OSBPL1A: variants seen among roughly 807,000 people sequenced by gnomAD.
The protein encoded by OSBPL1A is oxysterol binding protein like 1A.
OSBPL1A carries 80 observed loss-of-function variants against 137.1 expected under a neutral mutation model. That is an observed-to-expected ratio of 0.58 (90% confidence interval 0.49 to 0.70). OSBPL1A has a LOEUF of 0.70. Among genes scored for constraint, OSBPL1A ranks in the 30% least tolerant of loss-of-function variants. The pLI is 0.00. For missense variants in OSBPL1A, 970 were observed against 1,129.4 expected (o/e 0.86, Z 2.02); for synonymous variants, 365 against 389.7 (o/e 0.94, Z 0.75).
intron 4 of OSBPL1A, among the ~76,000 whole-genome samples, chr18:24,359,326 G>A (rs974952487): frequency 1.3e-5 from 2 of 152,060 alleles, no homozygotes; most frequent in Non-Finnish European, 2.9e-5. Context: ...GACTTCAAGC[G>A]ATCCTCCTGC....
rs1227763928 is a variant in OSBPL1A at position 24,271,448 on chromosome 18, C to T, written c.1281+9394G>A. On this transcript the variant is annotated intron_variant, in intron 15 of 27. Coordinates refer to ENST00000319481, the MANE Select transcript of OSBPL1A (RefSeq NM_080597.4). This position sits in a 1 kb window ranked among gnomAD's most constrained non-coding sequence, Gnocchi z 4.0. ...GAGCAGGGTCTCCCGGCTGGTGCGC[C>T]CCTCCCCACGCGCCCGCGGCTGCAC... 2.6e-5 allele frequency: 16 copies of T among 623,370 alleles called. No homozygotes were observed. Among genetic ancestry groups the T allele is most frequent in the Non-Finnish European group, 3.2e-5 (16 of 499,116 alleles). 38.6% of individuals were successfully genotyped at this position (623,370 alleles called of 1,614,324 possible). A position where few individuals can be genotyped will look rare whatever the true frequency, so the allele number is the denominator to read the frequency against.
At chr18:24,165,240 G>A (rs2086120856) in intron 26 of OSBPL1A, 85 bp from the exon 27 acceptor site, 3 of 1,191,152 alleles carry the variant, frequency 2.5e-6, no homozygotes, top group Admixed American at 1.9e-5. Flanking sequence ...CTTCACAAAA[G>A]AACCATATCT....
Position 24,170,344 on chromosome 18 carries a change from TCTC to T in OSBPL1A, c.2398_2400del (p.Glu800del). On this transcript the variant is annotated inframe_deletion, in exon 24 of 28. Transcript: ENST00000319481. ...ATGTTCACCTGTTTGCTGTTCTTCT[TCTC>T]TTCTGTATTTTTCTTATCATTTTTT... The T allele has an allele frequency of 1.2e-6, 2 of 1,614,158 alleles. No individual in the cohort carries two copies. The highest frequency in any genetic ancestry group is 2.2e-5 in the East Asian group (1 of 44,886).
chr18:24,311,862 G>C, intron 13 of OSBPL1A, 122 bp downstream of exon 13: 1 of 1,124,680 alleles, frequency 8.9e-7, no homozygotes. Flanking sequence ...GTGAAGAACA[G>C]TACTATTTCT....
At chr18:24,308,608 C>G (rs1360177428) in intron 13 of OSBPL1A, among the ~76,000 whole-genome samples, 1 of 152,016 alleles carries the variant, frequency 6.6e-6, no homozygotes, top group Non-Finnish European at 1.5e-5. Flanking sequence ...TTGCTAGTAC[C>G]ACCCAGAGCC....
chr18:24,373,903 T>C (rs968937471), intron 2 of OSBPL1A, among the ~76,000 whole-genome samples: 4 of 152,118 alleles, frequency 2.6e-5, no homozygotes, highest in African/African-American at 7.2e-5. Flanking sequence ...AGATAAAGTC[T>C]GACTGACAGG....
intron 15 of OSBPL1A, 145 bp from the exon 16 acceptor site, chr18:24,239,527 A>G: frequency 1.4e-6 from 1 of 737,850 alleles, no homozygotes; most frequent in Non-Finnish European, 2.1e-6. Flanking sequence ...GCATGGATGA[A>G]TGAGCAAAAT....
chr18:24,393,917 GCAATTTAAGGAAAA>G (rs1907549574), intron 1 of OSBPL1A, among the ~76,000 whole-genome samples: 1 of 152,144 alleles, frequency 6.6e-6, no homozygotes, highest in Non-Finnish European at 1.5e-5. Context: ...CTAAAACATG[GCAATTTAAGGAAAA>G]CAGGAGCAAA....
At chr18:24,178,483 G>A (rs1175646342) in intron 20 of OSBPL1A, among the ~76,000 whole-genome samples, 1 of 151,960 alleles carries the variant, frequency 6.6e-6, no homozygotes, top group East Asian at 1.9e-4. Context: ...GTAGAGACGG[G>A]GGTTTCATCA....
chr18:24,314,139 A>G lies in OSBPL1A; in HGVS notation c.969+110T>C, dbSNP rs926216601. Reference sequence around the variant, plus strand: ...AATAAATAAAAATTTAAAAAAATTAAAAGTACAATCAACAAGATGTTGGAT... The same window carrying G: ...AATAAATAAAAATTTAAAAAAATTAGAAGTACAATCAACAAGATGTTGGAT... On this transcript the variant is annotated intron_variant, in intron 12 of 27. Transcript: ENST00000319481. The G allele has an allele frequency of 7.6e-5, 48 of 633,020 alleles. No individual in the cohort carries two copies. The African/African-American group carries it at 8.5e-4, about 11-fold the overall frequency. The allele number at this position is 633,020 out of a possible 1,614,324, so 39.2% of individuals were successfully genotyped here.
intron 4 of OSBPL1A, among the ~76,000 whole-genome samples, chr18:24,356,693 C>G (rs369659542): frequency 4.7e-4 from 72 of 152,282 alleles, no homozygotes; most frequent in African/African-American, 1.5e-3. Context: ...TACTCACCCC[C>G]AGCCATGGCC....
At chr18:24,227,605 T>C (rs1007921990) in intron 16 of OSBPL1A, among the ~76,000 whole-genome samples, 2 of 152,108 alleles carry the variant, frequency 1.3e-5, no homozygotes, top group African/African-American at 4.8e-5. Flanking sequence ...CACAGGGTTG[T>C]CAGGAAAGGC....
intron 15 of OSBPL1A, among the ~76,000 whole-genome samples, chr18:24,251,398 G>A (rs911039244): frequency 2.0e-5 from 3 of 152,168 alleles, no homozygotes; most frequent in Admixed American, 1.3e-4. Context: ...CCAGGTGGCC[G>A]AGCAAAGAGA....
chr18:24,183,988 ATAAGTAC>A (rs1331022946), intron 18 of OSBPL1A, among the ~76,000 whole-genome samples: 1 of 152,210 alleles, frequency 6.6e-6, no homozygotes, highest in Non-Finnish European at 1.5e-5. Context: ...TCCCTCATCA[ATAAGTAC>A]TAAGTACTAA....
In OSBPL1A at chr18:24,330,675, C is replaced by T. The variant is rs563023278; in HGVS notation, c.625+2267G>A. On this transcript the variant is annotated intron_variant, in intron 7 of 27. Coordinates refer to ENST00000319481, the MANE Select transcript of OSBPL1A (RefSeq NM_080597.4). Reference sequence around the variant, plus strand: ...CTGACCTCAGGTGATCCACCCGCCTCGGCCTCCCAAAGTGCTGGGATTACA... The same window carrying T: ...CTGACCTCAGGTGATCCACCCGCCTTGGCCTCCCAAAGTGCTGGGATTACA... 2.7e-4 allele frequency among the ~76,000 whole-genome samples: 41 copies of T among 152,164 alleles called. No homozygotes were observed. The South Asian group carries it at 6.2e-3, about 23-fold the overall frequency.
intron 14 of OSBPL1A, among the ~76,000 whole-genome samples, chr18:24,293,441 G>C (rs887549174): frequency 6.6e-6 from 1 of 152,164 alleles, no homozygotes; most frequent in African/African-American, 2.4e-5. Context: ...CCTCCCATTT[G>C]CTGAATCCAA....
chr18:24,383,486 C>T (rs1036695785), intron 1 of OSBPL1A, among the ~76,000 whole-genome samples: 43 of 152,296 alleles, frequency 2.8e-4, no homozygotes, highest in African/African-American at 1.0e-3. Context: ...GGCCGGGTGC[C>T]TTGGCTCACG....
At chr18:24,172,276 A>G in intron 22 of OSBPL1A, 100 bp downstream of exon 22, 2 of 882,816 alleles carry the variant, frequency 2.3e-6, no homozygotes, top group South Asian at 3.1e-5. Context: ...AGCCTGTTCT[A>G]GAGCTTTTCT....
intron 1 of OSBPL1A, among the ~76,000 whole-genome samples, chr18:24,389,311 A>G (rs80046617): frequency 0.077 from 11,692 of 152,298 alleles, 571 homozygotes; most frequent in Non-Finnish European, 0.11. Flanking sequence ...ATCAGGAGAT[A>G]AGAGACCATT....
Sources: allele counts gnomAD v4.1 joint callset (sites outside exome capture counted in the v4.1 genomes callset), GRCh38; gene constraint gnomAD v4.1.1; non-coding constraint Gnocchi (gnomAD v3.1); transcripts MANE v1.5; gene names NCBI Gene and HGNC (gene_info 2026-07-23, HGNC 2026-07-21).